The following CALN1 variants were observed in gnomAD, a reference collection of about 807,000 sequenced individuals.
CALN1 encodes calcium-binding protein 8.
A neutral mutation model predicts 30.6 loss-of-function variants in CALN1; 17 were observed. The observed-to-expected ratio is 0.56, with a 90% CI of 0.38 to 0.83. The LOEUF (loss-of-function observed/expected upper bound fraction) is 0.83. CALN1 is among the 40% of genes least tolerant of loss of function. The pLI is 0.00. For synonymous variants in CALN1, 156 were observed against 131.4 expected (o/e 1.19, Z -1.28); for missense variants, 291 against 354.9 (o/e 0.82, Z 1.45).
At chr7:72,491,235 A>AAC in the CALN1 span, among the ~76,000 whole-genome samples, 1 of 150,218 alleles carries the variant, frequency 6.7e-6, no homozygotes, top group African/African-American at 2.4e-5. Context: ...TCAAAAAAAA[A>AAC]AAAAACAAAA....
At chr7:72,163,206 A>G (rs777478222) in intron 3 of CALN1, among the ~76,000 whole-genome samples, 1 of 152,220 alleles carries the variant, frequency 6.6e-6, no homozygotes, top group Non-Finnish European at 1.5e-5. Context: ...GGTTCATCCT[A>G]GAATCAAGGA....
At chr7:72,489,142 T>G in the CALN1 span, among the ~76,000 whole-genome samples, 1 of 152,032 alleles carries the variant, frequency 6.6e-6, no homozygotes, top group Non-Finnish European at 1.5e-5. Context: ...GGAACAGAAG[T>G]GAAGCTTTTC....
In CALN1 at chr7:71,854,846, C is replaced by A. The variant is rs556319431; in HGVS notation, c.502-44354G>T. Among the ~76,000 whole-genome samples the A allele has an allele frequency of 2.6e-5, 4 of 152,320 alleles. No homozygotes were observed. In the East Asian group the frequency reaches 7.7e-4, roughly 29 times the overall value. ...AAAAACTATATAATGTGAAGCCAAG[C>A]TTAATTCAATTAAACAAAGAAAATA... On this transcript the variant is annotated intron_variant, in intron 5 of 6. Transcript: ENST00000395275.
intron 4 of CALN1, among the ~76,000 whole-genome samples, chr7:72,079,261 T>C (rs1242573653): frequency 1.3e-5 from 2 of 152,156 alleles, no homozygotes; most frequent in Admixed American, 1.3e-4. Context: ...CGTGTTCTCA[T>C]CTGGAAATGA....
At chr7:71,954,503 T>G (rs1796859065) in intron 5 of CALN1, among the ~76,000 whole-genome samples, 1 of 151,646 alleles carries the variant, frequency 6.6e-6, no homozygotes, top group African/African-American at 2.4e-5. Context: ...ATAATAAAAA[T>G]TAGCTGGGCA....
intron 1 of CALN1, among the ~76,000 whole-genome samples, chr7:72,422,670 T>C (rs1807651679): frequency 6.6e-6 from 1 of 152,224 alleles, no homozygotes; most frequent in Non-Finnish European, 1.5e-5. Context: ...TGTTTCATTC[T>C]TATTCTTCAT....
At chr7:72,400,862 C>A (rs1383553376) in intron 2 of CALN1, among the ~76,000 whole-genome samples, 4 of 152,152 alleles carry the variant, frequency 2.6e-5, no homozygotes, top group African/African-American at 9.7e-5. Context: ...TCCTGGGCTT[C>A]TGTCCCTTGC....
chr7:72,154,874 A>G (rs1258335192), intron 3 of CALN1, among the ~76,000 whole-genome samples: 1 of 150,734 alleles, frequency 6.6e-6, no homozygotes, highest in South Asian at 2.1e-4. Flanking sequence ...AGAGCAACAT[A>G]ATGAGATCCT....
intron 5 of CALN1, among the ~76,000 whole-genome samples, chr7:71,935,058 G>A (rs1230897551): frequency 2.0e-5 from 3 of 152,166 alleles, no homozygotes; most frequent in Non-Finnish European, 4.4e-5. Context: ...TGGGCAAACA[G>A]CCAAACCATA....
rs1584204755 is a variant in CALN1 at position 71,787,068 on chromosome 7, T to C, written c.*707A>G. 1 of 152,806 alleles carries C rather than the reference T, an allele frequency of 6.5e-6. No individual in the cohort carries two copies. The highest frequency in any genetic ancestry group is 1.5e-5 in the Non-Finnish European group (1 of 68,092). The allele number at this position is 152,806 out of a possible 1,614,324, so 9.5% of individuals were successfully genotyped here. On this transcript the variant is annotated 3_prime_UTR_variant, in exon 7 of 7. Coordinates refer to ENST00000395275, the MANE Select transcript of CALN1 (RefSeq NM_031468.4). ...GAAAGGCTCTCTGCAGGTTCCAAAA[T>C]GCTGGTGCGGGATGGGCTCTAGGAA...
chr7:72,385,736 T>A (rs1433991231), intron 2 of CALN1, among the ~76,000 whole-genome samples: 1 of 152,050 alleles, frequency 6.6e-6, no homozygotes, highest in South Asian at 2.1e-4. Context: ...TGAGTTCTCA[T>A]GAGATCGAAT....
chr7:72,293,958 C>T (rs1325470931), intron 2 of CALN1, among the ~76,000 whole-genome samples: 3 of 152,014 alleles, frequency 2.0e-5, no homozygotes, highest in African/African-American at 4.8e-5. Flanking sequence ...ATTAGCCAGG[C>T]ATCATGGTGC....
At position 71,784,411 on chromosome 7, in the gene CALN1, G is replaced by A. The variant is rs1410173184; in HGVS notation, c.*3364C>T. 1 of 163,198 alleles carries A rather than the reference G, an allele frequency of 6.1e-6. No homozygotes were observed. Among genetic ancestry groups the A allele is most frequent in the Non-Finnish European group, 1.3e-5 (1 of 75,706 alleles). The allele number at this position is 163,198 out of a possible 1,614,324, so 10.1% of individuals were successfully genotyped here. A position where few individuals can be genotyped will look rare whatever the true frequency, so the allele number is the denominator to read the frequency against. ...GGCAAACTCAGGGTGGAATGCAAGGGTTGCCATGGTAATATCCCTCTTTTT... is the reference window on the plus strand; with the variant it reads ...GGCAAACTCAGGGTGGAATGCAAGGATTGCCATGGTAATATCCCTCTTTTT... On this transcript the variant is annotated 3_prime_UTR_variant, in exon 7 of 7. Transcript: ENST00000395275.
chr7:72,076,455 A>G (rs1206087163), intron 4 of CALN1, among the ~76,000 whole-genome samples: 1 of 151,190 alleles, frequency 6.6e-6, no homozygotes, highest in Non-Finnish European at 1.5e-5. Context: ...AAAATTAGCC[A>G]GGTGTGGTGG....
At chr7:72,487,976 A>G in the CALN1 span, among the ~76,000 whole-genome samples, 1 of 145,798 alleles carries the variant, frequency 6.9e-6, no homozygotes, top group Admixed American at 6.8e-5. Flanking sequence ...GGAAGGAAGG[A>G]AGGAAGGAAG....
At chr7:71,823,304 G>T (rs1465220779) in intron 5 of CALN1, among the ~76,000 whole-genome samples, 3 of 151,928 alleles carry the variant, frequency 2.0e-5, no homozygotes, top group Non-Finnish European at 4.4e-5. Flanking sequence ...TGTGTAGCTG[G>T]GATTACAGGT....
intron 5 of CALN1, among the ~76,000 whole-genome samples, chr7:71,871,176 A>C (rs1426421804): frequency 6.6e-6 from 1 of 152,226 alleles, no homozygotes; most frequent in African/African-American, 2.4e-5. Flanking sequence ...ATTGTAGCTA[A>C]TTAAATACAG....
chr7:72,160,371 C>T (rs1319634103), intron 3 of CALN1, among the ~76,000 whole-genome samples: 3 of 151,890 alleles, frequency 2.0e-5, no homozygotes, highest in African/African-American at 7.3e-5. Flanking sequence ...CTCCAGCTCC[C>T]AGGTTCAAGC....
chr7:71,794,646 T>G (rs531615847), intron 6 of CALN1, among the ~76,000 whole-genome samples: 33 of 152,348 alleles, frequency 2.2e-4, no homozygotes, highest in African/African-American at 7.7e-4. Context: ...AACTGTAAAT[T>G]GCCAGAGAAA....
Sources: allele counts gnomAD v4.1 joint callset (sites outside exome capture counted in the v4.1 genomes callset), GRCh38; gene constraint gnomAD v4.1.1; transcripts MANE v1.5; gene names NCBI Gene and HGNC (gene_info 2026-07-23, HGNC 2026-07-21).